Variants in SCAF4 observed in about 807,000 individuals in gnomAD.
SCAF4 encodes the protein SR-related CTD associated factor 4.
SCAF4 carries 25 observed loss-of-function variants against 129.8 expected under a neutral mutation model. That is an observed-to-expected ratio of 0.19 (90% CI 0.14 to 0.27). The LOEUF is 0.27. Among genes scored for constraint, SCAF4 ranks in the 10% least tolerant of loss-of-function variants. The pLI is 1.00. For synonymous variants in SCAF4, 551 were observed against 497.7 expected (o/e 1.11, Z -1.43); for missense variants, 1,246 against 1,457.1 (o/e 0.86, Z 2.36).
At chr21:31,694,696 T>C (rs2050341486) in intron 10 of SCAF4, 117 bp downstream of exon 10, 1 of 986,170 alleles carries the variant, frequency 1.0e-6, no homozygotes, top group South Asian at 1.5e-5. Context: ...GAGGGTTTAA[T>C]ATGTACCCAG....
intron 19 of SCAF4, among the ~76,000 whole-genome samples, chr21:31,677,190 G>A (rs936377758): frequency 1.3e-5 from 2 of 151,952 alleles, no homozygotes; most frequent in Non-Finnish European, 2.9e-5. Flanking sequence ...TACTCCTACT[G>A]TCTGTGACTG....
At chr21:31,713,702 G>C (rs975214412) in intron 1 of SCAF4, among the ~76,000 whole-genome samples, 11 of 114,900 alleles carry the variant, frequency 9.6e-5, no homozygotes, top group African/African-American at 3.7e-4. Context: ...TAATGTGTAG[G>C]TTCCTTCAAA....
chr21:31,705,597 A>T (rs893034081), intron 2 of SCAF4, 130 bp from the exon 3 acceptor site: 1 of 347,962 alleles, frequency 2.9e-6, no homozygotes, highest in Non-Finnish European at 5.3e-6. Context: ...CATGAGAAAT[A>T]CATAATAAAA....
chr21:31,690,223 G>A (rs944544281), intron 15 of SCAF4, among the ~76,000 whole-genome samples: 4 of 152,092 alleles, frequency 2.6e-5, no homozygotes, highest in Non-Finnish European at 4.4e-5. Flanking sequence ...AGTGGCTCAC[G>A]CCTGTAATGC....
intron 10 of SCAF4, 139 bp downstream of exon 10, chr21:31,694,674 C>A (rs2050340888): frequency 2.5e-6 from 2 of 799,868 alleles, no homozygotes; most frequent in Non-Finnish European, 4.0e-6. Flanking sequence ...GATGAAAAAC[C>A]TGGAGCACTG....
chr21:31,713,589 G>A (rs1324775237), intron 1 of SCAF4, among the ~76,000 whole-genome samples: 2 of 152,102 alleles, frequency 1.3e-5, no homozygotes, highest in Non-Finnish European at 2.9e-5. Context: ...CCTACTGTGT[G>A]TACTGTGGTC....
chr21:31,694,929 G>T lies in SCAF4; in HGVS notation c.1120C>A (p.Pro374Thr). ...GGCTGAGCCATGGGAGGAAATGGAG[G>T]TGTAGGAAGAAGTCCAAATCCTGGC... ...QMPGFGLLPT[P>T]PFPPMAQPVI... Residue 374 changes from proline (P) to threonine (T), a missense_variant, in exon 10 of 20, where the codon CCT becomes ACT. Pro to Thr is a conservative substitution (Grantham distance 38, BLOSUM62 -1). This residue lies in a region of SCAF4 where 236 missense variants were observed against 210.0 expected (regional missense o/e 1.12). Coordinates refer to ENST00000286835, the MANE Select transcript of SCAF4 (RefSeq NM_020706.2). The T allele has an allele frequency of 6.2e-7, 1 of 1,614,102 alleles. No individual in the cohort carries two copies. The highest frequency in any genetic ancestry group is 8.5e-7 in the Non-Finnish European group (1 of 1,179,936).
chr21:31,731,983 C>T lies in SCAF4; in HGVS notation c.-291G>A. The stretch of plus-strand genomic sequence containing the variant: ...GTTTGGTGGTGGCGGCTGCGCTCTG[C>T]GTCTCGCTGACACGGCCCCCCGCGC... On this transcript the variant is annotated 5_prime_UTR_variant, in exon 1 of 20. Transcript: ENST00000286835. 2 of 473,808 alleles carry T rather than the reference C, an allele frequency of 4.2e-6. No individual in the cohort carries two copies. The highest frequency in any genetic ancestry group is 2.0e-5 in the African/African-American group (1 of 48,904). 29.4% of individuals were successfully genotyped at this position (473,808 alleles called of 1,614,324 possible).
intron 1 of SCAF4, among the ~76,000 whole-genome samples, chr21:31,709,350 C>CAAAAAA (rs376581889): frequency 8.5e-6 from 1 of 117,810 alleles, no homozygotes; most frequent in African/African-American, 3.0e-5. Flanking sequence ...CTGAAACTGT[C>CAAAAAA]AAAAAAAAAA....
intron 19 of SCAF4, among the ~76,000 whole-genome samples, chr21:31,674,821 T>C (rs1437097474): frequency 1.3e-5 from 2 of 151,794 alleles, no homozygotes; most frequent in Admixed American, 6.6e-5. Flanking sequence ...TCATATTATG[T>C]ATTAAATATC....
Position 31,731,879 on chromosome 21 carries a change from G to C in SCAF4, c.-187C>G. 1.8e-6 allele frequency: 1 copy of C among 552,702 alleles called. No homozygotes were observed. Among genetic ancestry groups the C allele is most frequent in the Non-Finnish European group, 3.0e-6 (1 of 333,016 alleles). The allele number at this position is 552,702 out of a possible 1,614,324, so 34.2% of individuals were successfully genotyped here. ...GGCGGGCGGCCGAGGCAGAGGCGGA[G>C]AGGTGGCGGGCCCCCTCTCAGTCCC... On this transcript the variant is annotated 5_prime_UTR_variant, in exon 1 of 20. Transcript: ENST00000286835.
intron 19 of SCAF4, among the ~76,000 whole-genome samples, chr21:31,677,413 A>AC (rs953164257): frequency 1.2e-4 from 18 of 152,188 alleles, no homozygotes; most frequent in African/African-American, 4.3e-4. Context: ...TTCAGGTATC[A>AC]CCCCATCTTG....
intron 1 of SCAF4, among the ~76,000 whole-genome samples, chr21:31,717,840 T>TACACAC (rs538783172): frequency 4.7e-4 from 39 of 82,684 alleles, no homozygotes; most frequent in Admixed American, 2.9e-3. Context: ...TATATATATA[T>TACACAC]ATACACACAC....
At chr21:31,683,976 G>A (rs2050056027) in intron 19 of SCAF4, 1 of 153,296 alleles carries the variant, frequency 6.5e-6, no homozygotes, top group Non-Finnish European at 1.5e-5. Context: ...TCTAGGGGAG[G>A]GCAGAATACA....
At chr21:31,707,018 T>C (rs1442272751) in intron 1 of SCAF4, among the ~76,000 whole-genome samples, 1 of 152,200 alleles carries the variant, frequency 6.6e-6, no homozygotes, top group Non-Finnish European at 1.5e-5. Context: ...TTTTTATGTA[T>C]AAATGCTTTT....
chr21:31,729,697 G>C (rs1470426525), intron 1 of SCAF4, among the ~76,000 whole-genome samples: 2 of 152,220 alleles, frequency 1.3e-5, no homozygotes, highest in Non-Finnish European at 2.9e-5. Context: ...TAGCAGAAGA[G>C]AGCTGGCATT....
intron 1 of SCAF4, among the ~76,000 whole-genome samples, chr21:31,725,677 G>C (rs917820599): frequency 1.3e-5 from 2 of 152,108 alleles, no homozygotes; most frequent in African/African-American, 4.8e-5. Flanking sequence ...GTTTTCATAT[G>C]AATACTAAGA....
chr21:31,675,553 C>T (rs945424238), intron 19 of SCAF4, among the ~76,000 whole-genome samples: 1 of 152,036 alleles, frequency 6.6e-6, no homozygotes, highest in East Asian at 1.9e-4. Context: ...CAGCTGTCAA[C>T]GCAAGATCAG....
intron 1 of SCAF4, among the ~76,000 whole-genome samples, chr21:31,707,491 G>A (rs2050696234): frequency 6.6e-6 from 1 of 152,154 alleles, no homozygotes; most frequent in African/African-American, 2.4e-5. Context: ...AGAGTCCATA[G>A]AGGGTTATAA....
Sources: allele counts gnomAD v4.1 joint callset (sites outside exome capture counted in the v4.1 genomes callset), GRCh38; gene constraint gnomAD v4.1.1; regional missense constraint gnomAD v4.1.1; transcripts MANE v1.5; gene names NCBI Gene and HGNC (gene_info 2026-07-23, HGNC 2026-07-21).